PPP2R5C: variants seen among roughly 807,000 people sequenced by gnomAD.
The protein encoded by PPP2R5C is serine/threonine-protein phosphatase 2A 56 kDa regulatory subunit gamma isoform.
A neutral mutation model predicts 68.9 loss-of-function variants in PPP2R5C; 7 were observed. The observed-to-expected ratio is 0.10, with a 90% CI of 0.06 to 0.19. PPP2R5C has a LOEUF of 0.19. Among genes scored for constraint, PPP2R5C ranks in the 10% least tolerant of loss-of-function variants. The pLI is 1.00. For missense variants in PPP2R5C, 348 were observed against 641.3 expected (o/e 0.54, Z 4.94); for synonymous variants, 210 against 222.2 (o/e 0.95, Z 0.49).
intron 1 of PPP2R5C, among the ~76,000 whole-genome samples, chr14:101,833,829 T>G (rs2040912271): frequency 6.6e-6 from 1 of 152,084 alleles, no homozygotes; most frequent in Non-Finnish European, 1.5e-5. Context: ...TAAGACGGAG[T>G]CTCGCTCTGT....
intron 3 of PPP2R5C, among the ~76,000 whole-genome samples, chr14:101,804,514 C>T (rs1344445794): frequency 1.3e-5 from 2 of 151,942 alleles, no homozygotes; most frequent in Non-Finnish European, 2.9e-5. Flanking sequence ...TATATATATA[C>T]ACAATAGAGT....
At chr14:101,790,846 C>T (rs1416996867) in intron 3 of PPP2R5C, among the ~76,000 whole-genome samples, 3 of 152,166 alleles carry the variant, frequency 2.0e-5, no homozygotes, top group South Asian at 2.1e-4. Flanking sequence ...TTCGGGAGGC[C>T]GAGGCGGGCG....
chr14:101,861,118 C>T (rs1224116800), intron 2 of PPP2R5C, among the ~76,000 whole-genome samples: 2 of 152,164 alleles, frequency 1.3e-5, no homozygotes, highest in Non-Finnish European at 2.9e-5. Flanking sequence ...CTAATTGTAG[C>T]TTTTAAAAAA....
At chr14:101,824,800 G>A (rs1471403761) in intron 1 of PPP2R5C, 2 of 152,624 alleles carry the variant, frequency 1.3e-5, no homozygotes, top group African/African-American at 2.4e-5. Context: ...TCAGGAGGAG[G>A]GAGCAGGCCC....
chr14:101,792,500 A>G (rs921689181), intron 3 of PPP2R5C, among the ~76,000 whole-genome samples: 4 of 152,226 alleles, frequency 2.6e-5, no homozygotes, highest in African/African-American at 9.6e-5. Flanking sequence ...CCAACCAGAG[A>G]TACTTGGTTA....
intron 1 of PPP2R5C, among the ~76,000 whole-genome samples, chr14:101,846,799 C>T (rs1029229642): frequency 5.3e-5 from 8 of 152,168 alleles, no homozygotes. Flanking sequence ...AACTGCCTAC[C>T]TCTGGCTTCT....
chr14:101,883,368 G>C lies in PPP2R5C; in HGVS notation c.498+19G>C. On this transcript the variant is annotated intron_variant, in intron 4 of 13. Transcript: ENST00000334743. ...ATTGCAGGTAAGGTACAAATTAGCT[G>C]ACACTCTGAAAGCCCTGATGGAATG... 6.2e-7 allele frequency: 1 copy of C among 1,607,286 alleles called. No individual in the cohort carries two copies. Among genetic ancestry groups the C allele is most frequent in the Non-Finnish European group, 8.5e-7 (1 of 1,177,578 alleles).
chr14:101,926,568 G>C (rs1201376269), exon 14 of PPP2R5C: 1 of 152,534 alleles, frequency 6.6e-6, no homozygotes, highest in African/African-American at 2.4e-5. Context: ...TATTTATCCT[G>C]CTTGAAAGCT....
intron 1 of PPP2R5C, among the ~76,000 whole-genome samples, chr14:101,821,656 G>A (rs189955293): frequency 5.9e-5 from 9 of 151,862 alleles, no homozygotes; most frequent in African/African-American, 1.7e-4. Flanking sequence ...TTGGTGTTAC[G>A]TCATATTATC....
chr14:101,880,470 AGGTTT>A (rs2044089229), intron 2 of PPP2R5C, among the ~76,000 whole-genome samples: 2 of 152,144 alleles, frequency 1.3e-5, no homozygotes, highest in South Asian at 4.1e-4. Context: ...AATGATATTA[AGGTTT>A]GGAGTTCAGT....
rs907865985 is a variant in PPP2R5C at position 101,891,103 on chromosome 14, A to G, written c.689+807A>G. On this transcript the variant is annotated intron_variant, in intron 6 of 13. Coordinates refer to ENST00000334743, the Ensembl canonical transcript of PPP2R5C. This position sits in a 1 kb window ranked among gnomAD's most constrained non-coding sequence, Gnocchi z 4.9. ...ATTTAATTGATAACCCGTAGATTTT[A>G]TATTAGACCTTCTAACCCACTGTTT... Among the ~76,000 whole-genome samples the G allele has an allele frequency of 1.3e-5, 2 of 152,078 alleles. No homozygotes were observed. Among genetic ancestry groups the G allele is most frequent in the African/African-American group, 2.4e-5 (1 of 41,410 alleles).
chr14:101,809,688 C>A, upstream of PPP2R5C: 1 of 578,222 alleles, frequency 1.7e-6, no homozygotes, highest in Non-Finnish European at 2.5e-6. Flanking sequence ...ACGAAGGCTG[C>A]AAAAAGCCGG....
At chr14:101,854,570 G>A (rs1435532648) in intron 1 of PPP2R5C, among the ~76,000 whole-genome samples, 1 of 152,190 alleles carries the variant, frequency 6.6e-6, no homozygotes, top group Non-Finnish European at 1.5e-5. Flanking sequence ...TAGGGGCAGG[G>A]AAGGGCAAGA....
At chr14:101,836,593 A>G (rs965869102) in intron 1 of PPP2R5C, 13 of 515,854 alleles carry the variant, frequency 2.5e-5, no homozygotes, top group African/African-American at 3.8e-5. Flanking sequence ...TGTTGCATGC[A>G]TTTTTCTAGG....
chr14:101,871,502 C>T (rs2043411745), intron 2 of PPP2R5C, among the ~76,000 whole-genome samples: 1 of 152,122 alleles, frequency 6.6e-6, no homozygotes, highest in African/African-American at 2.4e-5. Flanking sequence ...CTCGGCCTCC[C>T]AAAGTGCTGG....
At chr14:101,924,683 C>T (rs1267565182) in intron 13 of PPP2R5C, among the ~76,000 whole-genome samples, 4 of 151,194 alleles carry the variant, frequency 2.6e-5, no homozygotes, top group Non-Finnish European at 5.9e-5. Context: ...CCTCGTGATC[C>T]GTCCGCCTCG....
chr14:101,815,190 G>A (rs1022425027), intron 1 of PPP2R5C, among the ~76,000 whole-genome samples: 1 of 152,122 alleles, frequency 6.6e-6, no homozygotes, highest in South Asian at 2.1e-4. Flanking sequence ...GGAGCCTCTT[G>A]CCCAGGGCCA....
rs2140958010 is a variant in PPP2R5C at position 101,891,197 on chromosome 14, G to A, written c.689+901G>A. On this transcript the variant is annotated intron_variant, in intron 6 of 13. Transcript: ENST00000334743. The surrounding 1 kb of genome is among the most constrained non-coding windows in gnomAD (Gnocchi z 4.9). ...CTTTTTCCTGCACCTTTTTAGGGAT[G>A]TAGTGTAGATGGGCAGTTCCGGGTT... Among the ~76,000 whole-genome samples the A allele has an allele frequency of 6.6e-6, 1 of 152,260 alleles. No individual in the cohort carries two copies. Among genetic ancestry groups the A allele is most frequent in the African/African-American group, 2.4e-5 (1 of 41,562 alleles).
intron 1 of PPP2R5C, among the ~76,000 whole-genome samples, chr14:101,813,732 A>G (rs183365329): frequency 1.8e-4 from 27 of 152,340 alleles, no homozygotes; most frequent in Admixed American, 9.8e-4. Context: ...ATCTTGTTCT[A>G]GTCATTAGCA....
Sources: allele counts gnomAD v4.1 joint callset (sites outside exome capture counted in the v4.1 genomes callset), GRCh38; gene constraint gnomAD v4.1.1; non-coding constraint Gnocchi (gnomAD v3.1); transcripts MANE v1.5; gene names NCBI Gene and HGNC (gene_info 2026-07-23, HGNC 2026-07-21).